OCLN: variants seen among roughly 807,000 people sequenced by gnomAD.
The protein encoded by OCLN is occludin.
A neutral mutation model predicts 47.9 loss-of-function variants in OCLN; 21 were observed. The ratio of observed to expected loss-of-function variants is 0.44; its 90% CI spans 0.31 to 0.63. The LOEUF (loss-of-function observed/expected upper bound fraction) is 0.63. Ranked by LOEUF, OCLN falls within the 30% of genes least tolerant of loss-of-function variation. The probability of loss-of-function intolerance (pLI) is 0.08; values close to 1 mark genes in which losing one functional copy is unlikely to be tolerated. For synonymous variants in OCLN, 117 were observed against 198.4 expected, an observed-to-expected ratio of 0.59 and a Z score of 3.45; for missense variants, 360 against 571.0, an observed-to-expected ratio of 0.63 and a Z score of 3.77.
intron 4 of OCLN, among the ~76,000 whole-genome samples, chr5:69,527,188 A>T (rs1328968128): frequency 6.6e-6 from 1 of 151,896 alleles, no homozygotes; most frequent in Non-Finnish European, 1.5e-5. Context: ...GAGGCAGGGG[A>T]ATTGCTTGAA....
At chr5:69,513,696 A>G (rs961478977) in intron 3 of OCLN, among the ~76,000 whole-genome samples, 1 of 151,514 alleles carries the variant, frequency 6.6e-6, no homozygotes, top group African/African-American at 2.5e-5. Flanking sequence ...AGTTCCTAAC[A>G]TTAGGCATTT....
chr5:69,511,361 T>C (rs1218661028), intron 3 of OCLN, among the ~76,000 whole-genome samples: 1 of 151,438 alleles, frequency 6.6e-6, no homozygotes, highest in Non-Finnish European at 1.5e-5. Flanking sequence ...GGATTACAGG[T>C]GTGAGCCACT....
At chr5:69,515,594 C>G (rs1244309368) in intron 4 of OCLN, among the ~76,000 whole-genome samples, 3 of 150,598 alleles carry the variant, frequency 2.0e-5, no homozygotes, top group Admixed American at 6.6e-5. Flanking sequence ...GGCTGACCCC[C>G]CCACCTCCCT....
chr5:69,547,208 C>T (rs2112083940), intron 6 of OCLN, among the ~76,000 whole-genome samples: 2 of 150,364 alleles, frequency 1.3e-5, no homozygotes, highest in East Asian at 3.9e-4. Context: ...CAGGAAACAG[C>T]CACTTCCAGT....
rs771276299 is a variant in OCLN, at chr5:69,509,305, T to C, written c.215T>C (p.Ile72Thr). Residue 72 changes from isoleucine (I) to threonine (T), a missense_variant, in exon 3 of 9, where the codon ATT (isoleucine) becomes ACT (threonine). Physicochemically the swap from Ile to Thr is moderately conservative, Grantham distance 89. Transcript: ENST00000396442. Reference protein sequence around the residue: ...PGVIRILSMLIIVMCIAIFAC... With the variant: ...PGVIRILSMLTIVMCIAIFAC... ...GTGATTCGGATCCTGTCTATGCTCA[T>C]TATTGTGATGTGCATTGCCATCTTT... 6.2e-7 allele frequency: 1 copy of C among 1,614,188 alleles called. No individual in the cohort carries two copies. Among genetic ancestry groups the C allele is most frequent in the Non-Finnish European group, 8.5e-7 (1 of 1,180,020 alleles).
At chr5:69,530,692 T>C (rs1242063169) in intron 4 of OCLN, 2 of 152,174 alleles carry the variant, frequency 1.3e-5, no homozygotes, top group Non-Finnish European at 2.9e-5. Flanking sequence ...TGTTCAACTT[T>C]ATATATGTGC....
At chr5:69,549,025 C>T (rs1769783868) in intron 7 of OCLN, among the ~76,000 whole-genome samples, 1 of 148,234 alleles carries the variant, frequency 6.7e-6, no homozygotes, top group African/African-American at 2.5e-5. Flanking sequence ...GCCATTCATT[C>T]TTTCTGTAGA....
intron 1 of OCLN, among the ~76,000 whole-genome samples, chr5:69,501,009 C>T (rs1768444142): frequency 6.6e-6 from 1 of 152,080 alleles, no homozygotes; most frequent in African/African-American, 2.4e-5. Flanking sequence ...ACCTCCACCT[C>T]GGGCTCAAGC....
intron 1 of OCLN, among the ~76,000 whole-genome samples, chr5:69,499,619 T>C (rs1289565968): frequency 6.6e-6 from 1 of 151,996 alleles, no homozygotes; most frequent in Non-Finnish European, 1.5e-5. Flanking sequence ...GGAGTCTCGC[T>C]CCGTCGCCAG....
At chr5:69,524,544 A>G (rs1248298071) in intron 4 of OCLN, among the ~76,000 whole-genome samples, 1 of 152,198 alleles carries the variant, frequency 6.6e-6, no homozygotes, top group African/African-American at 2.4e-5. Flanking sequence ...ATAGATTAAT[A>G]CATGTTGATG....
chr5:69,549,290 A>G (rs1769793046), intron 7 of OCLN, among the ~76,000 whole-genome samples: 1 of 121,516 alleles, frequency 8.2e-6, no homozygotes, highest in Non-Finnish European at 1.7e-5. Flanking sequence ...GCAGTGAGCC[A>G]AGATCGCGCC....
chr5:69,515,385 A>G (rs1305131659), intron 4 of OCLN, among the ~76,000 whole-genome samples: 4 of 125,458 alleles, frequency 3.2e-5, no homozygotes, highest in Non-Finnish European at 3.4e-5. Context: ...CCTCCCAGAC[A>G]GGGCGGCTGG....
intron 4 of OCLN, among the ~76,000 whole-genome samples, chr5:69,522,448 T>A (rs190505808): frequency 1.3e-5 from 2 of 152,258 alleles, no homozygotes; most frequent in Admixed American, 1.3e-4. Flanking sequence ...CAGAAACATA[T>A]TTTTTTAAAC....
Position 69,504,355 on chromosome 5 carries a change from TATGGTTGA to T in OCLN, c.50+63_50+70del. 4.0e-6 allele frequency: 4 copies of T among 996,734 alleles called. No homozygotes were observed. The South Asian group carries it at 5.3e-5, about 13-fold the overall frequency. The allele number at this position is 996,734 out of a possible 1,614,324, so 61.7% of individuals were successfully genotyped here. On this transcript the variant is annotated intron_variant, in intron 2 of 8. Transcript: ENST00000396442. The stretch of plus-strand genomic sequence containing the variant: ...AAGTCTATCACATGTAAACAATAAG[TATGGTTGA>T]AACTTTAAGTGTTTGCTTTTAAAAA...
intron 4 of OCLN, among the ~76,000 whole-genome samples, chr5:69,532,694 G>C (rs1005984215): frequency 4.6e-5 from 7 of 152,054 alleles, no homozygotes; most frequent in African/African-American, 1.7e-4. Flanking sequence ...GTGGCCGGGC[G>C]TGGTGGCTCA....
intron 4 of OCLN, among the ~76,000 whole-genome samples, chr5:69,516,748 A>T (rs1561340750): frequency 6.6e-6 from 1 of 152,150 alleles, no homozygotes; most frequent in Admixed American, 6.5e-5. Context: ...AATGAGTGTT[A>T]GTAAACTGTT....
chr5:69,548,822 G>C (rs1412069285), intron 7 of OCLN, among the ~76,000 whole-genome samples: 36 of 150,794 alleles, frequency 2.4e-4, no homozygotes, highest in African/African-American at 7.6e-4. Flanking sequence ...AGCAGGGCAT[G>C]GTGGCAGACA....
chr5:69,517,308 A>ATG (rs1768998907), intron 4 of OCLN, among the ~76,000 whole-genome samples: 4 of 90,276 alleles, frequency 4.4e-5, no homozygotes. Flanking sequence ...ATATATATAT[A>ATG]TATATATTTT....
intron 1 of OCLN, among the ~76,000 whole-genome samples, chr5:69,496,062 G>A (rs113980672): frequency 1.3e-5 from 2 of 151,680 alleles, no homozygotes; most frequent in Non-Finnish European, 2.9e-5. Context: ...CTAATGATGT[G>A]CCTGTAGTCT....
Sources: gnomAD v4.1 joint callset for allele counts (sites outside exome capture counted in the v4.1 genomes callset) on GRCh38, gnomAD v4.1.1 for gene constraint, MANE v1.5 for transcripts, NCBI Gene and HGNC (gene_info 2026-07-23, HGNC 2026-07-21) for gene names.